The following BCO2 variants were observed in gnomAD, a reference collection of about 807,000 sequenced individuals.
BCO2 encodes the protein carotenoid-cleaving dioxygenase, mitochondrial.
A neutral mutation model predicts 65.8 loss-of-function variants in BCO2; 56 were observed. That is an observed-to-expected ratio of 0.85 (90% CI 0.69 to 1.06). BCO2 has a LOEUF of 1.06. Among genes scored for constraint, BCO2 ranks in the 50% least tolerant of loss-of-function variants. The probability of loss-of-function intolerance (pLI) is 0.00; values close to 1 mark genes in which losing one functional copy is unlikely to be tolerated. For synonymous variants in BCO2, 233 were observed against 242.3 expected (o/e 0.96, Z 0.36); for missense variants, 675 against 698.5 (o/e 0.97, Z 0.38).
At chr11:112,199,925 G>A in intron 6 of BCO2, 98 bp downstream of exon 6, 5 of 1,396,800 alleles carry the variant, frequency 3.6e-6, no homozygotes, top group East Asian at 2.3e-5. Context: ...AGTTTATCAC[G>A]CTATGGTGAT....
Position 112,194,751 on chromosome 11 carries a change from A to C in BCO2, c.732A>C (p.Pro244=), listed in dbSNP as rs149790013. ...TAYNMGNSFG[P]YGFSYKVIRV... Reference sequence around the variant, plus strand: ...ACAATATGGGGAACTCCTTTGGGCCATATGGTAAAGTTGCAATAAAGGTCT... The same window carrying C: ...ACAATATGGGGAACTCCTTTGGGCCCTATGGTAAAGTTGCAATAAAGGTCT... Residue 244 remains proline, a synonymous_variant, in exon 5 of 12, where the codon CCA becomes CCC. Transcript: ENST00000357685. 4,297 of 1,587,752 alleles carry C rather than the reference A, an allele frequency of 2.7e-3. 11 individuals are homozygous for C. The highest frequency in any genetic ancestry group is 3.8e-3 in the South Asian group (338 of 89,240).
intron 4 of BCO2, chr11:112,194,217 G>A (rs1027024429): frequency 6.0e-6 from 3 of 498,946 alleles, no homozygotes; most frequent in Non-Finnish European, 1.1e-5. Context: ...AATATCTGAA[G>A]GCTAGGGTAA....
chr11:112,199,756 T>G lies in BCO2; in HGVS notation c.794T>G (p.Ile265Ser). ...PPEKVDLGET[I>S]HGVQVICSIA... ...GAGAAGGTGGACCTTGGGGAGACAA[T>G]CCATGGAGTCCAGGTGATATGTTCT... The change falls in exon 6 of 12, where the codon ATC becomes AGC. Residue 265 changes from isoleucine to serine, a missense_variant. Physicochemically the swap from Ile to Ser is moderately radical, Grantham distance 142. Coordinates refer to ENST00000357685, the MANE Select transcript of BCO2 (RefSeq NM_031938.7). 1 of 1,613,624 alleles carries G rather than the reference T, an allele frequency of 6.2e-7. No homozygotes were observed. The highest frequency in any genetic ancestry group is 8.5e-7 in the Non-Finnish European group (1 of 1,179,566).
chr11:112,181,527 G>C, intron 2 of BCO2: 1 of 737,442 alleles, frequency 1.4e-6, no homozygotes, highest in Non-Finnish European at 2.6e-6. Context: ...AACCCATTTT[G>C]AACTACTTGC....
chr11:112,180,635 T>C (rs921665034), intron 2 of BCO2: 1 of 656,330 alleles, frequency 1.5e-6, no homozygotes, highest in Non-Finnish European at 2.8e-6. Flanking sequence ...GTGTGTGGTG[T>C]GTCCCCAAGG....
chr11:112,198,481 A>C (rs1360373570), intron 5 of BCO2, among the ~76,000 whole-genome samples: 4 of 152,090 alleles, frequency 2.6e-5, no homozygotes, highest in African/African-American at 9.7e-5. Context: ...AGAATAAATA[A>C]ATAAAGAACT....
intron 10 of BCO2, 165 bp downstream of exon 10, chr11:112,215,109 C>T (rs999307111): frequency 3.0e-6 from 2 of 658,166 alleles, no homozygotes; most frequent in Non-Finnish European, 5.1e-6. Context: ...GGGTATGTTC[C>T]TTCTAGGGAA....
Position 112,175,616 on chromosome 11 carries a change from C to T in BCO2, c.15C>T (p.Val5=). Residue 5 remains valine, a synonymous_variant, in exon 1 of 12, where the codon GTC becomes GTT. Coordinates refer to ENST00000357685, the MANE Select transcript of BCO2 (RefSeq NM_031938.7). The part of the protein sequence containing the change: MFFR[V]FLHFIRSHSA... ...TCAATACAAAAATGTTTTTTCGAGT[C>T]TTTCTCCATTTTATCAGGAGTCATT... The T allele has an allele frequency of 6.2e-7, 1 of 1,613,648 alleles. No homozygotes were observed. The highest frequency in any genetic ancestry group is 8.5e-7 in the Non-Finnish European group (1 of 1,179,584).
rs1245479720 is a variant in BCO2 at position 112,193,922 on chromosome 11, T to C, written c.561T>C (p.Gly187=). The C allele has an allele frequency of 1.9e-6, 3 of 1,612,962 alleles. No individual in the cohort carries two copies. The highest frequency in any genetic ancestry group is 1.7e-6 in the Non-Finnish European group (2 of 1,179,018). Residue 187 remains glycine (G), a synonymous_variant, in exon 4 of 12, where the codon GGT becomes GGC. Transcript: ENST00000357685. ...NTNVNYVRYK[G]DYYLCTETNF... is the part of the protein sequence containing the mutation. ...ATGTCAACTATGTGCGGTACAAGGG[T>C]GATTACTACCTCTGCACTGAGACCA... is the stretch of plus-strand genomic sequence containing the variant.
intron 2 of BCO2, among the ~76,000 whole-genome samples, chr11:112,186,767 G>T (rs1182073792): frequency 6.6e-6 from 1 of 152,200 alleles, no homozygotes; most frequent in African/African-American, 2.4e-5. Context: ...CAAGGCAGGA[G>T]GATGGCTTGA....
chr11:112,201,931 A>G (rs1867746032), intron 7 of BCO2, 92 bp from the exon 8 acceptor site: 2 of 1,139,752 alleles, frequency 1.8e-6, no homozygotes, highest in Admixed American at 2.8e-5. Context: ...TAATTTTCTT[A>G]TTTTGAACTT....
Position 112,200,599 on chromosome 11 carries a change from C to T in BCO2, c.866-14C>T, listed in dbSNP as rs760940324. 7.5e-6 allele frequency: 12 copies of T among 1,589,860 alleles called. No homozygotes were observed. The South Asian group carries it at 1.4e-4, about 18-fold the overall frequency. On this transcript the variant is annotated splice_polypyrimidine_tract_variant and intron_variant, in intron 6 of 11. Coordinates refer to ENST00000357685, the MANE Select transcript of BCO2 (RefSeq NM_031938.7). ...TGCCAAATAACATTTTTATTGTTTG[C>T]TGGAACCTTTTAGGAATGACAAGGA...
rs984814867 is a variant in BCO2 at position 112,193,788 on chromosome 11, G to A, written c.517+91G>A. ...ATAGATTTTTTTGTGTATGTGAGAG[G>A]ATGTTGAAACTGCTTTCTCCCTTTG... On this transcript the variant is annotated intron_variant, in intron 3 of 11. Coordinates refer to ENST00000357685, the MANE Select transcript of BCO2 (RefSeq NM_031938.7). The A allele has an allele frequency of 4.0e-6, 6 of 1,511,644 alleles. No homozygotes were observed. The East Asian group carries it at 1.4e-4, about 34-fold the overall frequency. 93.6% of individuals were successfully genotyped at this position (1,511,644 alleles called of 1,614,324 possible).
intron 7 of BCO2, among the ~76,000 whole-genome samples, chr11:112,201,079 G>T (rs1041555609): frequency 6.6e-6 from 1 of 152,042 alleles, no homozygotes; most frequent in African/African-American, 2.4e-5. Context: ...GGTGTTGTTC[G>T]TGCAGAAATC....
At chr11:112,204,623 C>A (rs1396487201) in intron 8 of BCO2, among the ~76,000 whole-genome samples, 4 of 152,234 alleles carry the variant, frequency 2.6e-5, no homozygotes, top group Non-Finnish European at 4.4e-5. Context: ...TCTACTACCA[C>A]TTAATGAATA....
At chr11:112,194,229 G>A in intron 4 of BCO2, 1 of 483,542 alleles carries the variant, frequency 2.1e-6, no homozygotes, top group Non-Finnish European at 3.7e-6. Flanking sequence ...CTAGGGTAAA[G>A]GAGAAATAGA....
Position 112,200,338 on chromosome 11 carries a change from A to G in BCO2, c.866-275A>G, listed in dbSNP as rs192966414. On this transcript the variant is annotated intron_variant, in intron 6 of 11. Coordinates refer to ENST00000357685, the MANE Select transcript of BCO2 (RefSeq NM_031938.7). ...TACTATACTTTTTTACTTTGTTCCT[A>G]AACCAAATAATTTAAAAAGAAAAGA... 116 of 281,962 alleles carry G rather than the reference A, an allele frequency of 4.1e-4. 1 individual carries two copies. Among genetic ancestry groups the G allele is most frequent in the East Asian group, 3.5e-3 (44 of 12,546 alleles). The allele number at this position is 281,962 out of a possible 1,614,324, so 17.5% of individuals were successfully genotyped here. A position where few individuals can be genotyped will look rare whatever the true frequency, so the allele number is the denominator to read the frequency against.
At chr11:112,202,837 G>C (rs772936259) in intron 8 of BCO2, among the ~76,000 whole-genome samples, 1 of 152,036 alleles carries the variant, frequency 6.6e-6, no homozygotes, top group Middle Eastern at 3.2e-3. Context: ...CTTGAGCTCA[G>C]GAATTTGAGA....
intron 2 of BCO2, among the ~76,000 whole-genome samples, chr11:112,184,338 C>A (rs113738273): frequency 3.3e-5 from 5 of 151,672 alleles, no homozygotes; most frequent in Non-Finnish European, 5.9e-5. Context: ...CTGCAAGCTC[C>A]GCCTCCCAGG....
Sources: gnomAD v4.1 joint callset for allele counts (sites outside exome capture counted in the v4.1 genomes callset) on GRCh38, gnomAD v4.1.1 for gene constraint, MANE v1.5 for transcripts, NCBI Gene and HGNC (gene_info 2026-07-23, HGNC 2026-07-21) for gene names.